The following PRKCH variants were observed in gnomAD, a reference collection of about 807,000 sequenced individuals.
PRKCH encodes protein kinase C eta, also known as protein kinase C eta type.
Under a neutral mutation model 82.5 loss-of-function variants are expected in PRKCH, and 28 were observed. That is an observed-to-expected ratio of 0.34 (90% CI 0.25 to 0.47). The LOEUF is 0.47. Among genes scored for constraint, PRKCH ranks in the 20% least tolerant of loss-of-function variants. PRKCH has a pLI of 1.00. For synonymous variants in PRKCH, 322 were observed against 327.4 expected, an observed-to-expected ratio of 0.98 and a Z score of 0.18; for missense variants, 705 against 881.8, an observed-to-expected ratio of 0.80 and a Z score of 2.54.
chr14:61,402,074 C>G (rs1881652820), intron 2 of PRKCH, among the ~76,000 whole-genome samples: 3 of 152,188 alleles, frequency 2.0e-5, no homozygotes, highest in Admixed American at 2.0e-4. Flanking sequence ...TTGACAACTT[C>G]CCAGTACTTA....
intron 10 of PRKCH, among the ~76,000 whole-genome samples, chr14:61,519,274 TATGAATGA>T (rs34647037): frequency 0.078 from 11,443 of 147,186 alleles, 507 homozygotes; most frequent in South Asian, 0.11. Flanking sequence ...AGAATGAGAT[TATGAATGA>T]ATGAATGAAT....
chr14:61,281,989 A>G (rs1352428707), intron 1 of PRKCH: 1 of 148,008 alleles, frequency 6.8e-6, no homozygotes, highest in Non-Finnish European at 1.5e-5. Context: ...AATCATCCTT[A>G]AAAAGAATCA....
At chr14:61,520,743 C>T (rs920243187) in intron 10 of PRKCH, among the ~76,000 whole-genome samples, 3 of 152,148 alleles carry the variant, frequency 2.0e-5, no homozygotes, top group Non-Finnish European at 4.4e-5. Flanking sequence ...TCCATCTAGC[C>T]TGAACAAGGA....
chr14:61,492,350 A>G (rs972516203), intron 10 of PRKCH: 1 of 152,238 alleles, frequency 6.6e-6, no homozygotes, highest in Non-Finnish European at 1.5e-5. Flanking sequence ...TTTATACTCA[A>G]CAATGGGTTT....
At chr14:61,230,294 G>A (rs1416271638) in intron 1 of PRKCH, among the ~76,000 whole-genome samples, 1 of 152,022 alleles carries the variant, frequency 6.6e-6, no homozygotes, top group East Asian at 1.9e-4. Context: ...TTTAGACTCT[G>A]TTATTTCAGT....
At chr14:61,202,035 C>T (rs998437712) in intron 1 of PRKCH, among the ~76,000 whole-genome samples, 15 of 152,252 alleles carry the variant, frequency 9.9e-5, no homozygotes, top group African/African-American at 2.4e-4. Context: ...TTATTCACTT[C>T]GGTAAATCTA....
intron 1 of PRKCH, chr14:61,281,056 G>A (rs1447441673): frequency 2.0e-6 from 3 of 1,521,858 alleles, no homozygotes; most frequent in Non-Finnish European, 2.6e-6. Flanking sequence ...GATGCTGGCC[G>A]ACAGCAGCGG....
At chr14:61,454,809 G>A (rs1423474794) in intron 7 of PRKCH, among the ~76,000 whole-genome samples, 1 of 152,134 alleles carries the variant, frequency 6.6e-6, no homozygotes, top group African/African-American at 2.4e-5. Flanking sequence ...TGCCTTCCTG[G>A]TCAGCGTCTA....
chr14:61,234,499 T>A (rs552808118), intron 1 of PRKCH, among the ~76,000 whole-genome samples: 3 of 152,192 alleles, frequency 2.0e-5, no homozygotes, highest in Non-Finnish European at 2.9e-5. Flanking sequence ...GTCTTACTCA[T>A]GTTGAGCATG....
intron 10 of PRKCH, among the ~76,000 whole-genome samples, chr14:61,497,568 C>G (rs989678096): frequency 1.1e-4 from 16 of 152,144 alleles, no homozygotes; most frequent in African/African-American, 3.6e-4. Flanking sequence ...ATTGTGTAAT[C>G]AATACTCCAA....
chr14:61,399,300 T>C (rs1796634411), intron 2 of PRKCH, among the ~76,000 whole-genome samples: 1 of 152,210 alleles, frequency 6.6e-6, no homozygotes, highest in African/African-American at 2.4e-5. Flanking sequence ...GAATATCTGC[T>C]TCTTAAACAA....
At chr14:61,314,097 G>A (rs1371662775) in intron 1 of PRKCH, among the ~76,000 whole-genome samples, 2 of 152,226 alleles carry the variant, frequency 1.3e-5, no homozygotes, top group African/African-American at 4.8e-5. Context: ...TTACGTGTTA[G>A]AAGTGGATAC....
chr14:61,303,614 T>C (rs552032370), intron 1 of PRKCH: 102 of 152,238 alleles, frequency 6.7e-4, no homozygotes, highest in African/African-American at 2.4e-3. Flanking sequence ...ACTTGAATCT[T>C]GCTTTTTATT....
rs79549680 is a variant in PRKCH, at chr14:61,322,591, C to T, written c.363+127C>T. On this transcript the variant is annotated intron_variant, in intron 1 of 13. Coordinates refer to ENST00000332981, the MANE Select transcript of PRKCH (RefSeq NM_006255.5). ...GAGGGAATTCCCTCCAGACTTTGGT[C>T]TTCGTCCACGTGGCCGCGGCACTGG... The T allele has an allele frequency of 1.2e-3, 1,667 of 1,371,020 alleles. 12 individuals are homozygous for T. The African/African-American group carries it at 0.021, about 18-fold the overall frequency. 84.9% of individuals were successfully genotyped at this position (1,371,020 alleles called of 1,614,324 possible).
At chr14:61,221,849 G>T (rs2044658263) in intron 1 of PRKCH, among the ~76,000 whole-genome samples, 1 of 152,108 alleles carries the variant, frequency 6.6e-6, no homozygotes, top group Admixed American at 6.6e-5. Flanking sequence ...TAAAACACTT[G>T]CCCAATGGGA....
intron 2 of PRKCH, chr14:61,442,459 T>C (rs4899047): frequency 0.83 from 126,158 of 152,184 alleles, 55,560 homozygotes; most frequent in Non-Finnish European, 0.97. Flanking sequence ...TGCTTATAGC[T>C]CATAGATAGA....
At position 61,497,088 on chromosome 14, in the gene PRKCH, A is replaced by G. The variant is rs147598655; in HGVS notation, c.1433+11432A>G. Among the ~76,000 whole-genome samples the G allele has an allele frequency of 4.4e-3, 663 of 152,284 alleles. 1 individual carries two copies. The highest frequency in any genetic ancestry group is 7.3e-3 in the Admixed American group (112 of 15,298). On this transcript the variant is annotated intron_variant, in intron 10 of 13. Coordinates refer to ENST00000332981, the MANE Select transcript of PRKCH (RefSeq NM_006255.5). ...GTGATGCATTTATATCCTCATACAT[A>G]TTTATTTGGATCTGACTTCGATTCT...
chr14:61,348,219 C>T (rs899315133), intron 1 of PRKCH, among the ~76,000 whole-genome samples: 4 of 152,124 alleles, frequency 2.6e-5, no homozygotes, highest in African/African-American at 9.7e-5. Flanking sequence ...AGCCAGAGAG[C>T]AGGGGGCCAG....
At chr14:61,485,376 A>T in intron 9 of PRKCH, 126 bp from the exon 10 acceptor site, 1 of 1,256,560 alleles carries the variant, frequency 8.0e-7, no homozygotes, top group East Asian at 2.4e-5. Context: ...CATGGTCAGG[A>T]TGTTTCCTGG....
Sources: allele counts gnomAD v4.1 joint callset (sites outside exome capture counted in the v4.1 genomes callset), GRCh38; gene constraint gnomAD v4.1.1; transcripts MANE v1.5; gene names NCBI Gene and HGNC (gene_info 2026-07-23, HGNC 2026-07-21).